The following DLGAP2 variants were observed in gnomAD, a reference collection of about 807,000 sequenced individuals.
DLGAP2 encodes the protein disks large-associated protein 2.
In DLGAP2, 26 loss-of-function variants were observed where a neutral mutation model predicts 100.3. That is an observed-to-expected ratio of 0.26 (90% CI 0.19 to 0.36). DLGAP2 has a LOEUF of 0.36. DLGAP2 is among the 10% of genes least tolerant of loss of function. DLGAP2 has a pLI of 1.00. For synonymous variants in DLGAP2, 886 were observed against 630.1 expected, an observed-to-expected ratio of 1.41 and a Z score of -6.08; for missense variants, 1,858 against 1,453.2, an observed-to-expected ratio of 1.28 and a Z score of -4.53.
chr8:838,248 TG>T (rs1405695868), intron 1 of DLGAP2, among the ~76,000 whole-genome samples: 10 of 152,160 alleles, frequency 6.6e-5, no homozygotes, highest in Admixed American at 6.5e-4. Flanking sequence ...AAATGAAAAG[TG>T]GTCAGAACCT....
At chr8:1,194,732 C>G (rs1797712819) in intron 2 of DLGAP2, among the ~76,000 whole-genome samples, 2 of 152,202 alleles carry the variant, frequency 1.3e-5, no homozygotes, top group African/African-American at 4.8e-5. Context: ...TGGAGAGTCC[C>G]TGGGCCCGAT....
intron 2 of DLGAP2, among the ~76,000 whole-genome samples, chr8:917,125 C>A (rs1488744522): frequency 6.6e-6 from 1 of 152,176 alleles, no homozygotes; most frequent in African/African-American, 2.4e-5. Context: ...GAGTGAAGGG[C>A]CGGGGATAGT....
At chr8:1,582,750 C>T (rs527624896) in intron 6 of DLGAP2, among the ~76,000 whole-genome samples, 2 of 152,172 alleles carry the variant, frequency 1.3e-5, no homozygotes, top group South Asian at 2.1e-4. Flanking sequence ...CCACCACACC[C>T]GACTAATTTT....
intron 2 of DLGAP2, among the ~76,000 whole-genome samples, chr8:1,118,019 A>G (rs1181283950): frequency 6.6e-6 from 1 of 152,256 alleles, no homozygotes; most frequent in Non-Finnish European, 1.5e-5. Flanking sequence ...TAATATTGAT[A>G]TGCTTTCAAA....
intron 2 of DLGAP2, among the ~76,000 whole-genome samples, chr8:1,213,641 C>A: frequency 6.6e-6 from 1 of 152,230 alleles, no homozygotes; most frequent in Non-Finnish European, 1.5e-5. Flanking sequence ...AGGGAGCTTC[C>A]CGTCTTTCTC....
chr8:1,696,456 C>T (rs577208915), intron 13 of DLGAP2, among the ~76,000 whole-genome samples: 57 of 152,292 alleles, frequency 3.7e-4, no homozygotes, highest in African/African-American at 1.3e-3. Context: ...GCCATGATCA[C>T]ACCTGTGCTC....
At chr8:1,120,789 A>G (rs1277033405) in intron 2 of DLGAP2, among the ~76,000 whole-genome samples, 1 of 150,736 alleles carries the variant, frequency 6.6e-6, no homozygotes, top group African/African-American at 2.5e-5. Context: ...GTCCCATCCT[A>G]GTCCCTTCAG....
At chr8:1,308,772 G>A (rs1456652338) in intron 3 of DLGAP2, among the ~76,000 whole-genome samples, 2 of 152,160 alleles carry the variant, frequency 1.3e-5, no homozygotes, top group Admixed American at 6.5e-5. Flanking sequence ...TGATCTGCCC[G>A]CCTCAGCCTC....
intron 2 of DLGAP2, among the ~76,000 whole-genome samples, chr8:1,237,052 G>T (rs1312948489): frequency 7.1e-6 from 1 of 139,890 alleles, no homozygotes; most frequent in African/African-American, 2.7e-5. Flanking sequence ...TCTCTCACAT[G>T]GCACCATGTC....
chr8:1,510,229 C>T (rs538667705), intron 4 of DLGAP2, among the ~76,000 whole-genome samples: 2 of 152,166 alleles, frequency 1.3e-5, no homozygotes, highest in South Asian at 4.1e-4. Context: ...GGCTGGCTTT[C>T]CCTGGACAAC....
At chr8:1,448,070 T>G (rs1025951132) in intron 3 of DLGAP2, among the ~76,000 whole-genome samples, 6 of 152,214 alleles carry the variant, frequency 3.9e-5, no homozygotes, top group East Asian at 1.9e-4. Flanking sequence ...GAAGGGTTTT[T>G]TGTGTCTCTA....
At chr8:1,555,891 C>T (rs1309174946) in intron 5 of DLGAP2, among the ~76,000 whole-genome samples, 1 of 152,250 alleles carries the variant, frequency 6.6e-6, no homozygotes, top group Non-Finnish European at 1.5e-5. Flanking sequence ...TCTGCCTCTT[C>T]AATCCTTCAC....
At chr8:1,453,433 C>T (rs779319148) in intron 3 of DLGAP2, among the ~76,000 whole-genome samples, 5 of 152,090 alleles carry the variant, frequency 3.3e-5, no homozygotes, top group African/African-American at 7.2e-5. Flanking sequence ...TTGTTAGGGT[C>T]GACCTAATTA....
intron 2 of DLGAP2, among the ~76,000 whole-genome samples, chr8:1,109,992 G>C (rs1220198716): frequency 8.0e-6 from 1 of 125,284 alleles, no homozygotes; most frequent in Non-Finnish European, 1.7e-5. Flanking sequence ...TGTGAGGTGT[G>C]CATGGGTCTG....
chr8:1,322,503 A>C (rs1450729845), intron 3 of DLGAP2, among the ~76,000 whole-genome samples: 1 of 152,168 alleles, frequency 6.6e-6, no homozygotes, highest in Admixed American at 6.5e-5. Flanking sequence ...CTGTGACTTC[A>C]CACGTGTTGA....
intron 3 of DLGAP2, among the ~76,000 whole-genome samples, chr8:1,371,513 G>C (rs1224966748): frequency 6.6e-6 from 1 of 152,194 alleles, no homozygotes; most frequent in Admixed American, 6.5e-5. Context: ...ATATGCTGTG[G>C]TGGTTTGTGG....
intron 3 of DLGAP2, among the ~76,000 whole-genome samples, chr8:1,336,915 A>G (rs1563090959): frequency 6.6e-6 from 1 of 152,230 alleles, no homozygotes; most frequent in Admixed American, 6.5e-5. Flanking sequence ...CACTAGCAAA[A>G]TGACATTGAG....
Position 1,627,499 on chromosome 8 carries a change from G to GA in DLGAP2, c.1590+618dup, listed in dbSNP as rs546006967. 7.9e-5 allele frequency among the ~76,000 whole-genome samples: 12 copies of GA among 152,338 alleles called. No individual in the cohort carries two copies. The East Asian group carries it at 1.9e-3, about 24-fold the overall frequency. ...GTGGACGGGCCTGAGAACGCACAGTGAAAAAATCGGCAAGTGTCCTTCAGT... is the reference window on the plus strand; with the variant it reads ...GTGGACGGGCCTGAGAACGCACAGTGAAAAAAATCGGCAAGTGTCCTTCAGT... On this transcript the variant is annotated intron_variant, in intron 7 of 14. Coordinates refer to ENST00000637795, the MANE Select transcript of DLGAP2 (RefSeq NM_001346810.2).
chr8:1,287,656 G>GTA (rs1799969312), intron 3 of DLGAP2, among the ~76,000 whole-genome samples: 1 of 132,074 alleles, frequency 7.6e-6, no homozygotes, highest in Non-Finnish European at 1.6e-5. Context: ...GTGTGTGTGT[G>GTA]TGTATGGTTC....
Sources: gnomAD v4.1 joint callset for allele counts (sites outside exome capture counted in the v4.1 genomes callset) on GRCh38, gnomAD v4.1.1 for gene constraint, MANE v1.5 for transcripts, NCBI Gene and HGNC (gene_info 2026-07-23, HGNC 2026-07-21) for gene names.